Variants in OXNAD1 observed in about 807,000 individuals in gnomAD.
The protein encoded by OXNAD1 is oxidoreductase NAD binding domain containing 1.
Under a neutral mutation model 32.9 loss-of-function variants are expected in OXNAD1, and 34 were observed. The observed-to-expected ratio is 1.03, with a 90% CI of 0.79 to 1.38. The LOEUF is 1.38. Ranked by LOEUF, OXNAD1 falls within the 40% of genes most tolerant of loss-of-function variation. The pLI is 0.00. For synonymous variants in OXNAD1, 134 were observed against 135.2 expected (o/e 0.99, Z 0.06); for missense variants, 407 against 379.4 (o/e 1.07, Z -0.60).
In OXNAD1 at chr3:16,284,951, G is replaced by T. The variant is rs2065972623; in HGVS notation, c.184-1391G>T. On this transcript the variant is annotated intron_variant, in intron 4 of 8. Coordinates refer to ENST00000285083, the MANE Select transcript of OXNAD1 (RefSeq NM_138381.5). This position sits in a 1 kb window ranked among gnomAD's most constrained non-coding sequence, Gnocchi z 4.1. Reference sequence around the variant, plus strand: ...TGAAACAGGAATGTACTAAAGGGAGGAAAATTGAACATGAAGGAAAGGGCT... The same window carrying T: ...TGAAACAGGAATGTACTAAAGGGAGTAAAATTGAACATGAAGGAAAGGGCT... Among the ~76,000 whole-genome samples the T allele has an allele frequency of 6.6e-6, 1 of 152,210 alleles. No individual in the cohort carries two copies. The highest frequency in any genetic ancestry group is 2.1e-4 in the South Asian group (1 of 4,838).
At chr3:16,318,978 C>G (rs1324236224) in intron 9 of OXNAD1, among the ~76,000 whole-genome samples, 1 of 152,206 alleles carries the variant, frequency 6.6e-6, no homozygotes, top group East Asian at 1.9e-4. Context: ...TCCAAACCCA[C>G]CAGAGGAGGC....
chr3:16,327,023 T>A lies in OXNAD1; in HGVS notation c.*31-10089T>A, dbSNP rs1245351206. Reference sequence around the variant, plus strand: ...CAGAGGCTCCTGCTCCGATGCTTGCTGAAGACTTTAAAAGTTTGGAGTCAA... The same window carrying A: ...CAGAGGCTCCTGCTCCGATGCTTGCAGAAGACTTTAAAAGTTTGGAGTCAA... On this transcript the variant is annotated intron_variant, in intron 9 of 9. Transcript: ENST00000435829. This position sits in a 1 kb window ranked among gnomAD's most constrained non-coding sequence, Gnocchi z 4.2. The A allele has an allele frequency of 6.0e-5, 36 of 596,878 alleles. No homozygotes were observed. The highest frequency in any genetic ancestry group is 9.4e-5 in the Non-Finnish European group (32 of 341,300). The allele number at this position is 596,878 out of a possible 1,614,324, so 37.0% of individuals were successfully genotyped here.
At chr3:16,274,283 T>A (rs1302587609) in intron 4 of OXNAD1, among the ~76,000 whole-genome samples, 1 of 152,100 alleles carries the variant, frequency 6.6e-6, no homozygotes. Flanking sequence ...AACTACAGTA[T>A]GTTAAGCTTA....
At chr3:16,330,675 C>G (rs555227950) in intron 9 of OXNAD1, among the ~76,000 whole-genome samples, 1 of 152,322 alleles carries the variant, frequency 6.6e-6, no homozygotes, top group African/African-American at 2.4e-5. Context: ...GGTTTTTCAA[C>G]TCGTATAAAA....
chr3:16,285,432 C>T (rs2066009537), intron 4 of OXNAD1, among the ~76,000 whole-genome samples: 1 of 152,152 alleles, frequency 6.6e-6, no homozygotes, highest in South Asian at 2.1e-4. Context: ...TAAAGATGAA[C>T]AGACATAGAA....
At chr3:16,311,674 C>T (rs2125128200) in intron 9 of OXNAD1, among the ~76,000 whole-genome samples, 1 of 152,278 alleles carries the variant, frequency 6.6e-6, no homozygotes, top group South Asian at 2.1e-4. Flanking sequence ...ACTCTCAAAT[C>T]TATCCCCTTC....
intron 1 of OXNAD1, among the ~76,000 whole-genome samples, chr3:16,266,870 C>G (rs2064558062): frequency 6.6e-6 from 1 of 152,102 alleles, no homozygotes; most frequent in Non-Finnish European, 1.5e-5. Context: ...GTTAAAATGG[C>G]AAGAGGAGAC....
chr3:16,265,632 A>C lies in OXNAD1; in HGVS notation c.-159+127A>C, dbSNP rs1210594257. 6.5e-6 allele frequency: 1 copy of C among 153,442 alleles called. No homozygotes were observed. Among genetic ancestry groups the C allele is most frequent in the Non-Finnish European group, 1.4e-5 (1 of 69,172 alleles). 9.5% of individuals were successfully genotyped at this position (153,442 alleles called of 1,614,324 possible). The stretch of plus-strand genomic sequence containing the variant: ...TGTTTGCCAGGCTTATAACATTATT[A>C]ACGACGATGATTTTTAGTAATAGTA... On this transcript the variant is annotated intron_variant, in intron 1 of 8. Transcript: ENST00000285083. This position sits in a 1 kb window ranked among gnomAD's most constrained non-coding sequence, Gnocchi z 4.8.
rs1453017317 is a variant in OXNAD1, at chr3:16,298,133, G to T, written c.432+3136G>T. ...TCACATTTTTACCCTGCAACCTTCT[G>T]AGTCTCTCCGTCAGTGTGGCCTCAG... On this transcript the variant is annotated intron_variant, in intron 6 of 8. Coordinates refer to ENST00000285083, the MANE Select transcript of OXNAD1 (RefSeq NM_138381.5). The surrounding 1 kb of genome is among the most constrained non-coding windows in gnomAD (Gnocchi z 5.1). Among the ~76,000 whole-genome samples the T allele has an allele frequency of 6.6e-6, 1 of 152,084 alleles. No homozygotes were observed. Among genetic ancestry groups the T allele is most frequent in the Non-Finnish European group, 1.5e-5 (1 of 68,014 alleles).
chr3:16,288,496 G>C lies in OXNAD1; in HGVS notation c.290+2048G>C, dbSNP rs947995300. Among the ~76,000 whole-genome samples, 1 of 152,168 alleles carries C rather than the reference G, an allele frequency of 6.6e-6. No homozygotes were observed. The highest frequency in any genetic ancestry group is 2.4e-5 in the African/African-American group (1 of 41,432). On this transcript the variant is annotated intron_variant, in intron 5 of 8. Transcript: ENST00000285083. The surrounding 1 kb of genome is among the most constrained non-coding windows in gnomAD (Gnocchi z 5.1). The stretch of plus-strand genomic sequence containing the variant: ...AATAAATGAATGTTGTCTGTGACTA[G>C]CTGGAGCTTTGGCCACAGATCCCCA...
At position 16,317,167 on chromosome 3, in the gene OXNAD1, G is replaced by A. The variant is rs1302537177; in HGVS notation, c.*30+13575G>A. ...CTGCTTGTTGTTTGTCTCTGGCACT[G>A]AGTTTACCTTTTGATTTCCTCATCT... is the stretch of plus-strand genomic sequence containing the variant. On this transcript the variant is annotated intron_variant, in intron 9 of 9. Coordinates refer to the OXNAD1 transcript ENST00000435829. The surrounding 1 kb of genome is among the most constrained non-coding windows in gnomAD (Gnocchi z 4.3). 7 of 1,613,518 alleles carry A rather than the reference G, an allele frequency of 4.3e-6. No homozygotes were observed. The African/African-American group carries it at 8.0e-5, about 18-fold the overall frequency.
In OXNAD1 at chr3:16,289,947, C is replaced by T. The variant is rs1316100536; in HGVS notation, c.290+3499C>T. Among the ~76,000 whole-genome samples the T allele has an allele frequency of 1.3e-5, 2 of 152,218 alleles. No individual in the cohort carries two copies. The highest frequency in any genetic ancestry group is 2.4e-5 in the African/African-American group (1 of 41,456). On this transcript the variant is annotated intron_variant, in intron 5 of 8. Transcript: ENST00000285083. This position sits in a 1 kb window ranked among gnomAD's most constrained non-coding sequence, Gnocchi z 4.9. ...AGACATATGTGCATCTTTGTACCTC[C>T]AGCAAGTACCACAGTGCCTGTATAT...
exon 10 of OXNAD1, chr3:16,349,647 A>G (rs925694816): frequency 1.3e-5 from 2 of 152,248 alleles, no homozygotes; most frequent in African/African-American, 4.8e-5. Flanking sequence ...TTCAACTCCT[A>G]TTTTACTTGC....
chr3:16,319,160 A>AT (rs1330185369), intron 9 of OXNAD1, among the ~76,000 whole-genome samples: 2 of 152,192 alleles, frequency 1.3e-5, no homozygotes, highest in Non-Finnish European at 2.9e-5. Context: ...GTTCCAAAAC[A>AT]GTCAGAGCCT....
At chr3:16,337,755 AAAG>A (rs1315805257), downstream of OXNAD1, among the ~76,000 whole-genome samples, 12 of 151,948 alleles carry the variant, frequency 7.9e-5, no homozygotes, top group African/African-American at 1.7e-4. The surrounding 1 kb of genome is among the most constrained non-coding windows in gnomAD (Gnocchi z 5.0). Context: ...AAAAAAAAAA[AAAG>A]AAAAGAAAGT....
At position 16,346,919 on chromosome 3, in the gene OXNAD1, G is replaced by A. The variant is rs1316476686; in HGVS notation, c.*31-2257G>A. ...TTAAGCTGTTGACAAAGCTGACTCT[G>A]CAACCTCCCCACCTTGCTCTAGACT... On this transcript the variant is annotated intron_variant, in intron 9 of 9. Coordinates refer to the OXNAD1 transcript ENST00000606098. The surrounding 1 kb of genome is among the most constrained non-coding windows in gnomAD (Gnocchi z 4.4). Among the ~76,000 whole-genome samples the A allele has an allele frequency of 1.3e-5, 2 of 152,152 alleles. No individual in the cohort carries two copies. The highest frequency in any genetic ancestry group is 3.8e-4 in the East Asian group (2 of 5,200).
Position 16,269,217 on chromosome 3 carries a change from A to G in OXNAD1, c.-67A>G. 1 of 1,534,602 alleles carries G rather than the reference A, an allele frequency of 6.5e-7. No individual in the cohort carries two copies. The highest frequency in any genetic ancestry group is 1.7e-4 in the Middle Eastern group (1 of 5,988). ...CTCAGTGTAATAGCAGGACCAAAAT[A>G]TTCTGTCAATCAGCTGACCATATAC... On this transcript the variant is annotated 5_prime_UTR_variant, in exon 2 of 9. The change creates a new upstream start codon in the 5' untranslated region. Transcript: ENST00000285083.
intron 9 of OXNAD1, among the ~76,000 whole-genome samples, chr3:16,323,635 G>T (rs2069341540): frequency 1.3e-5 from 2 of 152,172 alleles, no homozygotes; most frequent in Non-Finnish European, 2.9e-5. Flanking sequence ...CTTCCGAGGG[G>T]CTATCTCAGA....
rs988862905 is a variant in OXNAD1 at position 16,323,521 on chromosome 3, G to A, written c.*31-13591G>A. On this transcript the variant is annotated intron_variant, in intron 9 of 9. Transcript: ENST00000435829. ...TTAGAGGAACCCAAAACCTGACACA[G>A]ATGTTGCCATCCCTAATTTCATCAA... 9 of 1,167,088 alleles carry A rather than the reference G, an allele frequency of 7.7e-6. 1 individual carries two copies. In the South Asian group the frequency reaches 8.7e-5, roughly 11 times the overall value. The allele number at this position is 1,167,088 out of a possible 1,614,324, so 72.3% of individuals were successfully genotyped here.
Sources: allele counts gnomAD v4.1 joint callset (sites outside exome capture counted in the v4.1 genomes callset), GRCh38; gene constraint gnomAD v4.1.1; non-coding constraint Gnocchi (gnomAD v3.1); transcripts MANE v1.5; gene names NCBI Gene and HGNC (gene_info 2026-07-23, HGNC 2026-07-21).